The following COMMD7 variants were observed in gnomAD, a reference collection of about 807,000 sequenced individuals.
COMMD7 encodes the protein COMM domain containing 7.
In COMMD7, 28 loss-of-function variants were observed where a neutral mutation model predicts 34.8. The ratio of observed to expected loss-of-function variants is 0.80; its 90% confidence interval spans 0.60 to 1.10. The LOEUF (loss-of-function observed/expected upper bound fraction) is 1.10. Ranked by LOEUF, COMMD7 falls within the 50% of genes least tolerant of loss-of-function variation. The pLI is 0.00. For missense variants in COMMD7, 211 were observed against 241.6 expected (o/e 0.87, Z 0.84); for synonymous variants, 80 against 86.4 (o/e 0.93, Z 0.41).
At chr20:32,725,434 T>TTC (rs1237873844) in intron 3 of COMMD7, among the ~76,000 whole-genome samples, 1 of 148,064 alleles carries the variant, frequency 6.8e-6, no homozygotes, top group African/African-American at 2.5e-5. Context: ...GTGTTTTGTT[T>TTC]TTTTTTTTTT....
chr20:32,731,317 CAAAAAATAAAAAT>C (rs1568791754), intron 1 of COMMD7, among the ~76,000 whole-genome samples: 1 of 151,706 alleles, frequency 6.6e-6, no homozygotes, highest in East Asian at 1.9e-4. Flanking sequence ...GATCCTAGCT[CAAAAAATAAAAAT>C]AAAAAATAAA....
chr20:32,703,952 G>A, intron 8 of COMMD7, 71 bp downstream of exon 8: 1 of 1,610,092 alleles, frequency 6.2e-7, no homozygotes, highest in South Asian at 1.1e-5. Context: ...GATTTGTGGT[G>A]AGCGTCACCA....
rs187508398 is a variant in COMMD7, at chr20:32,717,921, C to T, written c.241+9972G>A. Among the ~76,000 whole-genome samples the T allele has an allele frequency of 9.6e-4, 145 of 150,978 alleles. 1 individual carries two copies. The highest frequency in any genetic ancestry group is 3.3e-3 in the African/African-American group (136 of 41,194). ...CTGACATGGTAAAACCCCCTCTTGACCAAAAAAGAAAAAAAAAAAGAGCCT... is the reference window on the plus strand; with the variant it reads ...CTGACATGGTAAAACCCCCTCTTGATCAAAAAAGAAAAAAAAAAAGAGCCT... On this transcript the variant is annotated intron_variant, in intron 3 of 8. Coordinates refer to ENST00000278980, the MANE Select transcript of COMMD7 (RefSeq NM_053041.3).
intron 8 of COMMD7, 60 bp from the exon 9 acceptor site, chr20:32,703,518 A>C: frequency 6.4e-7 from 1 of 1,572,978 alleles, no homozygotes; most frequent in Non-Finnish European, 8.6e-7. Context: ...TCATCCAAGA[A>C]AATTAATTTC....
At chr20:32,725,868 T>C (rs1275142827) in intron 3 of COMMD7, among the ~76,000 whole-genome samples, 2 of 151,138 alleles carry the variant, frequency 1.3e-5, no homozygotes, top group Admixed American at 1.3e-4. Flanking sequence ...CTGGCCAGCA[T>C]GGCAAAACCC....
In COMMD7 at chr20:32,702,974, G is replaced by A. The variant is rs1456009639; in HGVS notation, c.*408C>T. 4 of 170,592 alleles carry A rather than the reference G, an allele frequency of 2.3e-5. No individual in the cohort carries two copies. Among genetic ancestry groups the A allele is most frequent in the African/African-American group, 7.2e-5 (3 of 41,870 alleles). The allele number at this position is 170,592 out of a possible 1,614,324, so 10.6% of individuals were successfully genotyped here. ...TGTATATGTGTCATTCAGACAATCC[G>A]CCGATTCCTCAGCCATAAACAAGCT... On this transcript the variant is annotated 3_prime_UTR_variant, in exon 9 of 9. Coordinates refer to ENST00000278980, the MANE Select transcript of COMMD7 (RefSeq NM_053041.3).
intron 5 of COMMD7, among the ~76,000 whole-genome samples, chr20:32,705,314 GTATATATATACATACATATA>G (rs1432975101): frequency 2.1e-5 from 3 of 144,314 alleles, no homozygotes; most frequent in African/African-American, 8.3e-5. Flanking sequence ...ATATATATGT[GTATATATATACATACATATA>G]TATGTATATA....
intron 1 of COMMD7, among the ~76,000 whole-genome samples, chr20:32,741,131 A>G (rs1986415721): frequency 6.8e-6 from 1 of 147,062 alleles, no homozygotes. Flanking sequence ...TGACAGAGGA[A>G]GACTCCGTCT....
chr20:32,727,794 C>G (rs1012811850), intron 3 of COMMD7, 99 bp downstream of exon 3: 7 of 991,694 alleles, frequency 7.1e-6, no homozygotes, highest in African/African-American at 1.6e-5. Flanking sequence ...TTACCAAACG[C>G]TCTGGCTTGG....
chr20:32,728,050 A>G, intron 2 of COMMD7, 39 bp downstream of exon 2: 2 of 1,612,624 alleles, frequency 1.2e-6, no homozygotes, highest in Non-Finnish European at 1.7e-6. Flanking sequence ...CATCTCAGGG[A>G]GCACGGACCC....
chr20:32,737,287 T>C (rs770700302), intron 1 of COMMD7, among the ~76,000 whole-genome samples: 2 of 146,516 alleles, frequency 1.4e-5, no homozygotes, highest in African/African-American at 2.5e-5. Context: ...GGAGAATTGC[T>C]TGAACCTGGG....
intron 1 of COMMD7, among the ~76,000 whole-genome samples, chr20:32,738,864 G>A (rs1023679730): frequency 3.3e-5 from 5 of 151,968 alleles, no homozygotes; most frequent in South Asian, 2.1e-4. Context: ...TGGAGTAGCT[G>A]GGACTACAGG....
chr20:32,738,046 AG>A (rs1289950479), intron 1 of COMMD7, among the ~76,000 whole-genome samples: 3 of 152,176 alleles, frequency 2.0e-5, no homozygotes, highest in Admixed American at 2.0e-4. Context: ...AACAAGTAAA[AG>A]CTAAGCTACC....
chr20:32,729,814 G>T (rs1441241646), intron 1 of COMMD7, among the ~76,000 whole-genome samples: 1 of 151,440 alleles, frequency 6.6e-6, no homozygotes, highest in Non-Finnish European at 1.5e-5. Context: ...AGACCAGCCT[G>T]GCCAGCATAG....
intron 1 of COMMD7, among the ~76,000 whole-genome samples, chr20:32,730,932 G>C (rs1268776669): frequency 6.6e-6 from 1 of 152,138 alleles, no homozygotes; most frequent in East Asian, 1.9e-4. Context: ...CCCCAAAGTT[G>C]TATGTGTAGT....
chr20:32,716,520 CAGG>C (rs1568779965), intron 3 of COMMD7, among the ~76,000 whole-genome samples: 1 of 152,144 alleles, frequency 6.6e-6, no homozygotes, highest in Non-Finnish European at 1.5e-5. Flanking sequence ...GAGGCTGAGG[CAGG>C]AGAATGGCGT....
chr20:32,709,808 G>C (rs140781804), intron 3 of COMMD7, among the ~76,000 whole-genome samples: 116 of 151,764 alleles, frequency 7.6e-4, no homozygotes, highest in African/African-American at 2.7e-3. Context: ...TCATCCCTTC[G>C]CTTCATTCAG....
At chr20:32,743,236 GTCCCCCCCACCCCA>G in intron 1 of COMMD7, 58 bp downstream of exon 1, 1 of 555,856 alleles carries the variant, frequency 1.8e-6, no homozygotes, top group Non-Finnish European at 3.1e-6. Flanking sequence ...ACCCCCGGAC[GTCCCCCCCACCCCA>G]GGCCCGGATC....
chr20:32,709,293 G>A (rs1833454239), intron 3 of COMMD7, among the ~76,000 whole-genome samples: 1 of 151,910 alleles, frequency 6.6e-6, no homozygotes. Flanking sequence ...AAATTAGCCG[G>A]GTGTGGTGGC....
Sources: gnomAD v4.1 joint callset for allele counts (sites outside exome capture counted in the v4.1 genomes callset) on GRCh38, gnomAD v4.1.1 for gene constraint, MANE v1.5 for transcripts, NCBI Gene and HGNC (gene_info 2026-07-23, HGNC 2026-07-21) for gene names.